Variants in ANKRD45 observed in about 807,000 individuals in gnomAD.
The protein encoded by ANKRD45 is ankyrin repeat domain-containing protein 45.
In ANKRD45, 21 loss-of-function variants were observed where a neutral mutation model predicts 28.1. The ratio of observed to expected loss-of-function variants is 0.75; its 90% CI spans 0.53 to 1.08. ANKRD45 has a LOEUF of 1.08. ANKRD45 is among the 50% of genes least tolerant of loss of function. The probability of loss-of-function intolerance (pLI) is 0.00; values close to 1 mark genes in which losing one functional copy is unlikely to be tolerated. For synonymous variants in ANKRD45, 86 were observed against 103.9 expected, an observed-to-expected ratio of 0.83 and a Z score of 1.05; for missense variants, 261 against 308.7, an observed-to-expected ratio of 0.85 and a Z score of 1.16.
chr1:173,700,782 A>G, the ANKRD45 span, among the ~76,000 whole-genome samples: 6 of 152,236 alleles, frequency 3.9e-5, no homozygotes, highest in Non-Finnish European at 8.8e-5. Flanking sequence ...CATGACTAAA[A>G]CACCAAAAGC....
chr1:173,618,559 T>C (rs1667564489), intron 5 of ANKRD45, among the ~76,000 whole-genome samples: 1 of 152,042 alleles, frequency 6.6e-6, no homozygotes, highest in South Asian at 2.1e-4. Flanking sequence ...GAAGACTATC[T>C]TTTGAAATAG....
At position 173,618,622 on chromosome 1, in the gene ANKRD45, G is replaced by C. The variant is rs1433760628; in HGVS notation, c.730+6165C>G. On this transcript the variant is annotated intron_variant, in intron 5 of 5. Coordinates refer to ENST00000333279, the MANE Select transcript of ANKRD45 (RefSeq NM_198493.3). ...GAAAAGGAATGAACAAAACCTCTGA[G>C]AAATATGGGACTACGTAAAAAGACC... 4.6e-5 allele frequency among the ~76,000 whole-genome samples: 7 copies of C among 152,320 alleles called. No homozygotes were observed. The East Asian group carries it at 1.4e-3, about 29-fold the overall frequency.
chr1:173,702,717 C>CTT, the ANKRD45 span, among the ~76,000 whole-genome samples: 155 of 118,988 alleles, frequency 1.3e-3, no homozygotes, highest in African/African-American at 2.5e-3. Context: ...TCTGTGTCCT[C>CTT]TTTTTTTTTT....
intron 3 of ANKRD45, among the ~76,000 whole-genome samples, chr1:173,631,933 C>T (rs1571717205): frequency 2.0e-5 from 3 of 150,772 alleles, no homozygotes; most frequent in African/African-American, 4.9e-5. Flanking sequence ...TCTTAAAGAA[C>T]TAGAAAAGCA....
intron 3 of ANKRD45, among the ~76,000 whole-genome samples, chr1:173,642,106 A>G (rs560929974): frequency 1.3e-5 from 2 of 152,342 alleles, no homozygotes; most frequent in African/African-American, 4.8e-5. Context: ...CAAGAGTGCT[A>G]CAAGGATTAA....
chr1:173,660,599 T>G (rs1669733520), intron 1 of ANKRD45, among the ~76,000 whole-genome samples: 1 of 152,172 alleles, frequency 6.6e-6, no homozygotes, highest in Non-Finnish European at 1.5e-5. Context: ...ATTCTGTAAT[T>G]CAGTTACAAC....
At chr1:173,633,061 G>T (rs1461223488) in intron 3 of ANKRD45, among the ~76,000 whole-genome samples, 1 of 151,926 alleles carries the variant, frequency 6.6e-6, no homozygotes, top group Non-Finnish European at 1.5e-5. Flanking sequence ...AATTATCCTT[G>T]ATTCCGGCTG....
chr1:173,702,541 C>T, the ANKRD45 span, among the ~76,000 whole-genome samples: 2 of 151,892 alleles, frequency 1.3e-5, no homozygotes, highest in Admixed American at 1.3e-4. Flanking sequence ...AGGGAAAAAT[C>T]ATTAGAGAAT....
the ANKRD45 span, among the ~76,000 whole-genome samples, chr1:173,711,101 T>A: frequency 1.3e-5 from 2 of 152,222 alleles, no homozygotes; most frequent in Non-Finnish European, 1.5e-5. Flanking sequence ...CTGTATTTTA[T>A]ACATTGGAAA....
At chr1:173,628,059 C>A (rs1374716080) in intron 3 of ANKRD45, among the ~76,000 whole-genome samples, 1 of 151,610 alleles carries the variant, frequency 6.6e-6, no homozygotes, top group Non-Finnish European at 1.5e-5. Flanking sequence ...AGGGAAGGAC[C>A]CAGGCCTGGC....
chr1:173,636,774 T>A, intron 3 of ANKRD45: 1 of 1,276,164 alleles, frequency 7.8e-7, no homozygotes, highest in Non-Finnish European at 1.1e-6. Flanking sequence ...TACTATAGTA[T>A]TGAACTCTAC....
rs149831825 is a variant in ANKRD45 at position 173,611,021 on chromosome 1, A to G, written c.731-806T>C. Among the ~76,000 whole-genome samples, 1,135 of 152,296 alleles carry G rather than the reference A, an allele frequency of 7.5e-3. 11 individuals carry two copies. Among genetic ancestry groups the G allele is most frequent in the African/African-American group, 0.024 (1,014 of 41,556 alleles). On this transcript the variant is annotated intron_variant, in intron 5 of 5. Transcript: ENST00000333279. Reference sequence around the variant, plus strand: ...TCCCACTGCCCAAAAAATAAAGCCGAAACTTCTAAGTTTAAAATTTAGTAG... The same window carrying G: ...TCCCACTGCCCAAAAAATAAAGCCGGAACTTCTAAGTTTAAAATTTAGTAG...
the ANKRD45 span, among the ~76,000 whole-genome samples, chr1:173,698,388 G>C: frequency 6.7e-6 from 1 of 149,330 alleles, no homozygotes; most frequent in Non-Finnish European, 1.5e-5. Context: ...GCACCACATT[G>C]TACTTATTCC....
intron 5 of ANKRD45, among the ~76,000 whole-genome samples, chr1:173,610,926 T>C (rs1399972949): frequency 1.3e-5 from 2 of 152,202 alleles, no homozygotes; most frequent in African/African-American, 2.4e-5. Context: ...CAATCCATTT[T>C]GCAAACAAGC....
intron 5 of ANKRD45, among the ~76,000 whole-genome samples, chr1:173,615,832 G>A (rs543651036): frequency 2.2e-4 from 34 of 152,236 alleles, no homozygotes; most frequent in African/African-American, 6.7e-4. Flanking sequence ...GGCCGGGCAC[G>A]GTGGCTCACA....
chr1:173,671,464 C>T (rs1211995367), upstream of ANKRD45, among the ~76,000 whole-genome samples: 1 of 152,136 alleles, frequency 6.6e-6, no homozygotes, highest in Non-Finnish European at 1.5e-5. Flanking sequence ...GCAGTAAACA[C>T]ACTGCACGTG....
intron 1 of ANKRD45, among the ~76,000 whole-genome samples, chr1:173,666,459 T>C (rs930541520): frequency 1.8e-4 from 27 of 152,348 alleles, no homozygotes; most frequent in African/African-American, 5.5e-4. Flanking sequence ...TTCAAGTGCC[T>C]TATATAAAAT....
At chr1:173,688,988 G>C in the ANKRD45 span, among the ~76,000 whole-genome samples, 1 of 152,128 alleles carries the variant, frequency 6.6e-6, no homozygotes, top group African/African-American at 2.4e-5. Flanking sequence ...AGCAAGCAGC[G>C]CCTGAATCGA....
rs12403133 is a variant in ANKRD45, at chr1:173,615,362, C to T, written c.731-5147G>A. On this transcript the variant is annotated intron_variant, in intron 5 of 5. Transcript: ENST00000333279. ...ATTGCGCCACTGCACTCCAGCCTGGCGACAGAGTAAGACTCCGTCTCAAAA... is the reference window on the plus strand; with the variant it reads ...ATTGCGCCACTGCACTCCAGCCTGGTGACAGAGTAAGACTCCGTCTCAAAA... Among the ~76,000 whole-genome samples, 1,213 of 133,900 alleles carry T rather than the reference C, an allele frequency of 9.1e-3. 16 individuals are homozygous for T. The highest frequency in any genetic ancestry group is 0.033 in the African/African-American group (1,127 of 34,608). The allele number at this position is 133,900 out of a possible 152,430, so 87.8% of individuals were successfully genotyped here.
Sources: allele counts gnomAD v4.1 joint callset (sites outside exome capture counted in the v4.1 genomes callset), GRCh38; gene constraint gnomAD v4.1.1; transcripts MANE v1.5; gene names NCBI Gene and HGNC (gene_info 2026-07-23, HGNC 2026-07-21).